OR4K1: variants seen among roughly 807,000 people sequenced by gnomAD.
The protein encoded by OR4K1 is olfactory receptor family 4 subfamily K member 1.
OR4K1 carries 16 observed loss-of-function variants against 14.4 expected under a neutral mutation model. The ratio of observed to expected loss-of-function variants is 1.11; its 90% CI spans 0.75 to 1.68. The LOEUF is 1.68. Ranked by LOEUF, OR4K1 falls within the 40% of genes most tolerant of loss-of-function variation. OR4K1 has a pLI of 0.00. For synonymous variants in OR4K1, 181 were observed against 133.1 expected (o/e 1.36, Z -2.48); for missense variants, 548 against 376.9 (o/e 1.45, Z -3.76).
intron 1 of OR4K1, among the ~76,000 whole-genome samples, chr14:19,935,175 T>C (rs1192882269): frequency 6.6e-6 from 1 of 152,240 alleles, no homozygotes; most frequent in Non-Finnish European, 1.5e-5. Context: ...ATTTTTACCT[T>C]TGATTCTTTA....
chr14:19,924,603 T>C, the OR4K1 span, among the ~76,000 whole-genome samples: 103 of 152,238 alleles, frequency 6.8e-4, no homozygotes, highest in Middle Eastern at 6.8e-3. Context: ...GGTGAGAGTG[T>C]AAATTAGTTC....
rs1882322994 is a variant in OR4K1 at position 19,936,350 on chromosome 14, G to A, written c.684G>A (p.Arg228=). 5 of 1,614,252 alleles carry A rather than the reference G, an allele frequency of 3.1e-6. No individual in the cohort carries two copies. Among genetic ancestry groups the A allele is most frequent in the Admixed American group, 1.7e-5 (1 of 60,032 alleles). ...TCATTTTGATCGGTGTCCGATGCAGGTCCTCCAGTGGGTCATCTAAGGCTC... is the reference window on the plus strand; with the variant it reads ...TCATTTTGATCGGTGTCCGATGCAGATCCTCCAGTGGGTCATCTAAGGCTC... ...YTIILIGVRC[R]SSSGSSKALS... is the part of the protein sequence containing the mutation. The change falls in exon 2 of 2, where the codon AGG becomes AGA. Residue 228 remains arginine (R), a synonymous_variant. Transcript: ENST00000641172.
chr14:19,936,361 G>T lies in OR4K1; in HGVS notation c.695G>T (p.Gly232Val), dbSNP rs778635980. ...GGTGTCCGATGCAGGTCCTCCAGTG[G>T]GTCATCTAAGGCTCTTTCTACATTA... is the stretch of plus-strand genomic sequence containing the variant. ...LIGVRCRSSS[G>V]SSKALSTLTA... The change falls in exon 2 of 2, where the codon GGG (glycine) becomes GTG (valine). Residue 232 changes from glycine (G) to valine (V), a missense_variant. Gly to Val is a moderately radical substitution (Grantham distance 109). Coordinates refer to ENST00000641172, the MANE Select transcript of OR4K1 (RefSeq NM_001004063.3). 1 of 1,614,196 alleles carries T rather than the reference G, an allele frequency of 6.2e-7. No individual in the cohort carries two copies. Among genetic ancestry groups the T allele is most frequent in the Non-Finnish European group, 8.5e-7 (1 of 1,180,030 alleles).
At chr14:19,928,955 G>GT (rs1421125064), upstream of OR4K1, among the ~76,000 whole-genome samples, 7 of 151,616 alleles carry the variant, frequency 4.6e-5, no homozygotes, top group Admixed American at 1.3e-4. Flanking sequence ...TTGATTGTGG[G>GT]TTTTTTTGAT....
chr14:19,921,241 C>T, the OR4K1 span: 1 of 1,614,188 alleles, frequency 6.2e-7, no homozygotes, highest in Non-Finnish European at 8.5e-7. Flanking sequence ...AGCACTTTCT[C>T]TCTCTTGGTC....
chr14:19,936,579 C>G lies in OR4K1; in HGVS notation c.913C>G (p.His305Asp), dbSNP rs751022847. 1 of 1,602,058 alleles carries G rather than the reference C, an allele frequency of 6.2e-7. No homozygotes were observed. Among genetic ancestry groups the G allele is most frequent in the Non-Finnish European group, 8.5e-7 (1 of 1,175,350 alleles). Residue 305 changes from histidine to aspartate, a missense_variant, in exon 2 of 2, where the codon CAT becomes GAT. Transcript: ENST00000641172. ...KAAMWKLRNR[H>D]VNSWKN ...AGCCATGTGGAAGCTGAGAAACCGT[C>G]ATGTGAACTCCTGGAAAAACTAGGG...
intron 1 of OR4K1, among the ~76,000 whole-genome samples, chr14:19,933,836 C>T (rs1448704329): frequency 2.0e-5 from 3 of 152,186 alleles, no homozygotes; most frequent in East Asian, 1.9e-4. Context: ...CTGCCCACCT[C>T]GGCCTCCCAA....
the OR4K1 span, chr14:19,921,048 T>G: frequency 1.2e-6 from 2 of 1,614,210 alleles, no homozygotes; most frequent in South Asian, 1.1e-5. Context: ...GGTAATGATC[T>G]CCTGGGCTGT....
Position 19,936,058 on chromosome 14 carries a change from A to T in OR4K1, c.392A>T (p.His131Leu). The T allele has an allele frequency of 1.2e-6, 2 of 1,614,252 alleles. No homozygotes were observed. The highest frequency in any genetic ancestry group is 1.7e-6 in the Non-Finnish European group (2 of 1,180,040). The change falls in exon 2 of 2, where the codon CAC becomes CTC. Residue 131 changes from histidine to leucine, a missense_variant. Coordinates refer to ENST00000641172, the MANE Select transcript of OR4K1 (RefSeq NM_001004063.3). ...DRFIAICKPL[H>L]YSTIMNRRLC... ...TTTATAGCCATATGTAAGCCTCTGC[A>T]CTACAGTACAATTATGAACCGGAGG...
the OR4K1 span, chr14:19,921,680 A>G: frequency 8.3e-7 from 1 of 1,205,296 alleles, no homozygotes; most frequent in Non-Finnish European, 1.1e-6. Flanking sequence ...AGAAGATAAT[A>G]TAGAGAACAT....
intron 1 of OR4K1, among the ~76,000 whole-genome samples, chr14:19,933,779 GT>G (rs1204874835): frequency 3.3e-5 from 5 of 152,150 alleles, no homozygotes; most frequent in African/African-American, 9.7e-5. Context: ...TAGAGACGGG[GT>G]TTCACCATGA....
chr14:19,935,542 AATTG>A (rs2138597036), intron 1 of OR4K1, 102 bp from the exon 2 acceptor site: 1 of 903,112 alleles, frequency 1.1e-6, no homozygotes, highest in South Asian at 1.7e-5. Context: ...AACCTAATTA[AATTG>A]ACTATTTCTT....
At position 19,936,333 on chromosome 14, in the gene OR4K1, A is replaced by G; in HGVS notation, c.667A>G (p.Ile223Val). The G allele has an allele frequency of 6.2e-7, 1 of 1,614,240 alleles. No individual in the cohort carries two copies. The highest frequency in any genetic ancestry group is 8.5e-7 in the Non-Finnish European group (1 of 1,180,042). ...ALIISYTIIL[I>V]GVRCRSSSGS... ...AATTATTTCCTACACCATCATTTTGATCGGTGTCCGATGCAGGTCCTCCAG... is the reference window on the plus strand; with the variant it reads ...AATTATTTCCTACACCATCATTTTGGTCGGTGTCCGATGCAGGTCCTCCAG... Residue 223 changes from isoleucine to valine, a missense_variant, in exon 2 of 2, where the codon ATC becomes GTC. By Grantham distance (29) the Ile-to-Val change is conservative. Coordinates refer to ENST00000641172, the MANE Select transcript of OR4K1 (RefSeq NM_001004063.3).
the OR4K1 span, chr14:19,921,198 C>T: frequency 6.8e-6 from 11 of 1,614,052 alleles, no homozygotes; most frequent in Non-Finnish European, 9.3e-6. Context: ...CATTGAAATA[C>T]TAATTGTGGT....
chr14:19,929,029 CTTCT>C (rs61225740), upstream of OR4K1, among the ~76,000 whole-genome samples: 9,368 of 150,746 alleles, frequency 0.062, 514 homozygotes, highest in East Asian at 0.47. Flanking sequence ...ATATTTATGG[CTTCT>C]TTAACATCAT....
At chr14:19,926,370 C>A (rs1882064033), upstream of OR4K1, among the ~76,000 whole-genome samples, 2 of 152,230 alleles carry the variant, frequency 1.3e-5, no homozygotes, top group South Asian at 4.1e-4. Context: ...ACTTAATGGT[C>A]ATGATAATCT....
At chr14:19,927,346 CACTTAGTTATCAG>C (rs1283363446), upstream of OR4K1, among the ~76,000 whole-genome samples, 2 of 152,202 alleles carry the variant, frequency 1.3e-5, no homozygotes, top group Non-Finnish European at 2.9e-5. Flanking sequence ...ATAAACATTG[CACTTAGTTATCAG>C]ATTTAGATGG....
Position 19,935,652 on chromosome 14 carries a change from C to T in OR4K1, c.-15C>T, listed in dbSNP as rs1262985480. The T allele has an allele frequency of 1.3e-6, 2 of 1,553,516 alleles. No homozygotes were observed. Among genetic ancestry groups the T allele is most frequent in the African/African-American group, 1.4e-5 (1 of 72,006 alleles). On this transcript the variant is annotated 5_prime_UTR_variant, in exon 2 of 2. Coordinates refer to ENST00000641172, the MANE Select transcript of OR4K1 (RefSeq NM_001004063.3). ...TTTCTGATTTCTTTTTTTTAGGTAA[C>T]TGAATATTGGATACATGGCTCACAC... is the stretch of plus-strand genomic sequence containing the variant.
At chr14:19,920,654 A>G in the OR4K1 span, 34 of 1,613,536 alleles carry the variant, frequency 2.1e-5, no homozygotes, top group Admixed American at 1.2e-4. Flanking sequence ...TACTGTTGGG[A>G]CTCTGTAGTT....
Sources: gnomAD v4.1 joint callset for allele counts (sites outside exome capture counted in the v4.1 genomes callset) on GRCh38, gnomAD v4.1.1 for gene constraint, MANE v1.5 for transcripts, NCBI Gene and HGNC (gene_info 2026-07-23, HGNC 2026-07-21) for gene names.